UACA: variants seen among roughly 807,000 people sequenced by gnomAD.
The protein encoded by UACA is nuclear membrane binding protein.
A neutral mutation model predicts 160.5 loss-of-function variants in UACA; 112 were observed. The observed-to-expected ratio is 0.70, with a 90% CI of 0.60 to 0.82. The LOEUF is 0.82. Among genes scored for constraint, UACA ranks in the 40% least tolerant of loss-of-function variants. The probability of loss-of-function intolerance (pLI) is 0.00; values close to 1 mark genes in which losing one functional copy is unlikely to be tolerated. For missense variants in UACA, 1,574 were observed against 1,614.6 expected, an observed-to-expected ratio of 0.97 and a Z score of 0.43; for synonymous variants, 557 against 568.4, an observed-to-expected ratio of 0.98 and a Z score of 0.29.
At chr15:70,726,574 G>C (rs1367012973) in intron 1 of UACA, among the ~76,000 whole-genome samples, 1 of 152,046 alleles carries the variant, frequency 6.6e-6, no homozygotes. Flanking sequence ...AGATCACAAA[G>C]CTCAGCATCC....
chr15:70,671,124 T>TC lies in UACA; in HGVS notation c.1169-34dup, dbSNP rs769250044. The stretch of plus-strand genomic sequence containing the variant: ...AATGCAAATGAATGACATTTTAACT[T>TC]CAATATCCATACTAAAGTAGGCTAA... On this transcript the variant is annotated intron_variant, in intron 14 of 18. Coordinates refer to ENST00000322954, the MANE Select transcript of UACA (RefSeq NM_018003.4). The TC allele has an allele frequency of 4.9e-6, 7 of 1,414,468 alleles. No homozygotes were observed. In the African/African-American group the frequency reaches 1.0e-4, roughly 20 times the overall value. 87.6% of individuals were successfully genotyped at this position (1,414,468 alleles called of 1,614,324 possible).
chr15:70,704,946 G>A (rs1359783271), intron 1 of UACA, among the ~76,000 whole-genome samples: 1 of 152,202 alleles, frequency 6.6e-6, no homozygotes, highest in African/African-American at 2.4e-5. Context: ...AAATCAGAAG[G>A]GAGGTACAGA....
intron 1 of UACA, among the ~76,000 whole-genome samples, chr15:70,741,668 TATTACTC>T (rs1216210262): frequency 6.6e-6 from 1 of 152,254 alleles, no homozygotes; most frequent in Non-Finnish European, 1.5e-5. Context: ...GAATCAATGT[TATTACTC>T]ATGAACAATG....
At chr15:70,663,533 C>T (rs1896794093) in intron 17 of UACA, among the ~76,000 whole-genome samples, 1 of 152,030 alleles carries the variant, frequency 6.6e-6, no homozygotes, top group South Asian at 2.1e-4. Context: ...GATTATAGAT[C>T]ATGCTGCTAT....
chr15:70,670,282 C>T (rs1423552197), intron 15 of UACA, among the ~76,000 whole-genome samples: 1 of 152,126 alleles, frequency 6.6e-6, no homozygotes, highest in African/African-American at 2.4e-5. Context: ...AGTAAAGGCA[C>T]TACACATGTG....
At chr15:70,723,566 G>C (rs936593867) in intron 1 of UACA, among the ~76,000 whole-genome samples, 1 of 151,874 alleles carries the variant, frequency 6.6e-6, no homozygotes, top group African/African-American at 2.4e-5. Flanking sequence ...AGAGTACCAA[G>C]GTACAGTGCT....
intron 1 of UACA, among the ~76,000 whole-genome samples, chr15:70,741,832 A>C (rs1053895716): frequency 6.6e-6 from 1 of 152,186 alleles, no homozygotes; most frequent in Non-Finnish European, 1.5e-5. Flanking sequence ...CTTCAATACT[A>C]GCAGTTAGAA....
the UACA span, among the ~76,000 whole-genome samples, chr15:70,772,067 G>A: frequency 1.3e-5 from 2 of 152,142 alleles, no homozygotes; most frequent in Non-Finnish European, 2.9e-5. Context: ...CTGCAGCTAG[G>A]GAGATAACTG....
Position 70,687,877 on chromosome 15 carries a change from T to A in UACA, c.425-57A>T. ...GAACATCTGTTGGTAAGACACATAG[T>A]GTTTTTCTAGGTCCATATAAGGAAT... On this transcript the variant is annotated intron_variant, in intron 5 of 18. Coordinates refer to ENST00000322954, the MANE Select transcript of UACA (RefSeq NM_018003.4). 2.6e-6 allele frequency: 4 copies of A among 1,543,862 alleles called. No individual in the cohort carries two copies. In the South Asian group the frequency reaches 4.5e-5, roughly 17 times the overall value.
intron 5 of UACA, among the ~76,000 whole-genome samples, chr15:70,690,199 T>G (rs1239085867): frequency 6.6e-6 from 1 of 151,754 alleles, no homozygotes; most frequent in East Asian, 1.9e-4. Flanking sequence ...AGCTTGGAGC[T>G]CCTTGTGAGC....
chr15:70,667,237 C>T lies in UACA; in HGVS notation c.3447G>A (p.Val1149=), dbSNP rs61746327. 3,378 of 1,613,906 alleles carry T rather than the reference C, an allele frequency of 2.1e-3. 63 individuals are homozygous for T. The African/African-American group carries it at 0.04, about 19-fold the overall frequency. Residue 1149 remains valine (V), a synonymous_variant, in exon 16 of 19, where the codon GTG becomes GTA. Coordinates refer to ENST00000322954, the MANE Select transcript of UACA (RefSeq NM_018003.4). ...TCTCCAACAATTGATGCAGTTTGGTCACTGTCTGCTGCTCTTTCTCGTAAC... is the reference window on the plus strand; with the variant it reads ...TCTCCAACAATTGATGCAGTTTGGTTACTGTCTGCTGCTCTTTCTCGTAAC... ...QRCYEKEQQT[V]TKLHQLLENQ... is the part of the protein sequence containing the mutation.
At chr15:70,700,301 GTA>G (rs142277997) in intron 1 of UACA, among the ~76,000 whole-genome samples, 3,961 of 129,652 alleles carry the variant, frequency 0.031, 200 homozygotes, top group African/African-American at 0.1. Flanking sequence ...GAGGCAAATT[GTA>G]TATATATATA....
intron 1 of UACA, among the ~76,000 whole-genome samples, chr15:70,744,248 CAAA>C (rs5813608): frequency 6.2e-5 from 4 of 64,724 alleles, no homozygotes; most frequent in Admixed American, 1.9e-4. Flanking sequence ...GACTCTGTCT[CAAA>C]AAAAAAAAAA....
intron 1 of UACA, among the ~76,000 whole-genome samples, chr15:70,756,357 T>A (rs1424299271): frequency 1.3e-5 from 2 of 151,700 alleles, no homozygotes; most frequent in Non-Finnish European, 2.9e-5. Flanking sequence ...GACAAGGTTT[T>A]ACCATGTTGG....
chr15:70,755,755 T>C (rs969419130), intron 1 of UACA, among the ~76,000 whole-genome samples: 1 of 152,108 alleles, frequency 6.6e-6, no homozygotes, highest in African/African-American at 2.4e-5. Context: ...CTATTTTCAA[T>C]AGAATTCTTA....
At chr15:70,749,094 T>G (rs1201282886) in intron 1 of UACA, 2 of 201,608 alleles carry the variant, frequency 9.9e-6, no homozygotes, top group Non-Finnish European at 2.1e-5. Context: ...GTGCATTTAT[T>G]ATGCTTTTAT....
At chr15:70,710,012 G>A (rs1034886322) in intron 1 of UACA, among the ~76,000 whole-genome samples, 7 of 152,078 alleles carry the variant, frequency 4.6e-5, no homozygotes, top group African/African-American at 7.2e-5. Context: ...GGTGGCTCTC[G>A]CCTATAACCC....
At chr15:70,760,854 C>T (rs2030712093) in intron 1 of UACA, among the ~76,000 whole-genome samples, 1 of 151,212 alleles carries the variant, frequency 6.6e-6, no homozygotes, top group Non-Finnish European at 1.5e-5. Context: ...ATAAACTGTT[C>T]TTACCTATCA....
intron 3 of UACA, among the ~76,000 whole-genome samples, chr15:70,694,637 CTTG>C (rs1309847192): frequency 6.6e-6 from 1 of 152,082 alleles, no homozygotes; most frequent in Non-Finnish European, 1.5e-5. Flanking sequence ...GTCAGCTATT[CTTG>C]TTATTATTGT....
Sources: gnomAD v4.1 joint callset for allele counts (sites outside exome capture counted in the v4.1 genomes callset) on GRCh38, gnomAD v4.1.1 for gene constraint, MANE v1.5 for transcripts, NCBI Gene and HGNC (gene_info 2026-07-23, HGNC 2026-07-21) for gene names.